The following DPP6 variants were observed in gnomAD, a reference collection of about 807,000 sequenced individuals.
DPP6 encodes dipeptidyl peptidase like 6, also known as A-type potassium channel modulatory protein DPP6.
In DPP6, 69 loss-of-function variants were observed where a neutral mutation model predicts 122.6. The observed-to-expected ratio is 0.56, with a 90% CI of 0.46 to 0.69. The LOEUF (loss-of-function observed/expected upper bound fraction) is 0.69, where lower values mean the gene tolerates loss of function less well. DPP6 is among the 30% of genes least tolerant of loss of function. The probability of loss-of-function intolerance (pLI) is 0.00; values close to 1 mark genes in which losing one functional copy is unlikely to be tolerated. For synonymous variants in DPP6, 418 were observed against 433.1 expected (o/e 0.97, Z 0.43); for missense variants, 928 against 1,116.9 (o/e 0.83, Z 2.41).
intron 7 of DPP6, among the ~76,000 whole-genome samples, chr7:154,723,471 A>ATT (rs1257421460): frequency 5.3e-5 from 8 of 151,210 alleles, no homozygotes; most frequent in East Asian, 3.9e-4. Context: ...TTATTTTTAA[A>ATT]AAAAAAAAAA....
At chr7:154,164,996 T>A (rs1391678210) in intron 1 of DPP6, among the ~76,000 whole-genome samples, 1 of 149,062 alleles carries the variant, frequency 6.7e-6, no homozygotes, top group East Asian at 1.9e-4. Context: ...TTTTGTACTT[T>A]TTTTTAAAGT....
intron 1 of DPP6, among the ~76,000 whole-genome samples, chr7:154,117,633 T>TA (rs1807088029): frequency 6.6e-6 from 1 of 152,206 alleles, no homozygotes; most frequent in East Asian, 1.9e-4. Context: ...CAATGAAACA[T>TA]AATGTTTTTG....
At chr7:154,476,047 C>A (rs1444715617) in intron 3 of DPP6, 4 of 152,182 alleles carry the variant, frequency 2.6e-5, no homozygotes, top group Admixed American at 6.5e-5. Flanking sequence ...TGTCAAACTG[C>A]TTCTAAAATG....
rs374846983 is a variant in DPP6, at chr7:154,061,469, C to G, written c.243+8406C>G. On this transcript the variant is annotated intron_variant, in intron 1 of 25. Coordinates refer to ENST00000377770, the MANE Select transcript of DPP6 (RefSeq NM_130797.4). ...ACAGGGTTGCTAAAGGATGGCCCCC[C>G]TATTAGAGGGCCTTGGCAGCAACTG... Among the ~76,000 whole-genome samples, 35 of 146,786 alleles carry G rather than the reference C, an allele frequency of 2.4e-4. No individual in the cohort carries two copies. In the East Asian group the frequency reaches 5.3e-3, roughly 22 times the overall value.
chr7:154,164,866 C>G (rs1008627637), intron 1 of DPP6, among the ~76,000 whole-genome samples: 2 of 152,182 alleles, frequency 1.3e-5, no homozygotes, highest in Non-Finnish European at 2.9e-5. Flanking sequence ...CCATCAGTTG[C>G]TGGACACTTC....
chr7:154,451,671 G>T (rs1378944593), intron 2 of DPP6, among the ~76,000 whole-genome samples: 3 of 152,220 alleles, frequency 2.0e-5, no homozygotes, highest in Non-Finnish European at 4.4e-5. Context: ...CTCCCTCCAT[G>T]CTGACGGCCA....
intron 7 of DPP6, among the ~76,000 whole-genome samples, chr7:154,698,941 A>C (rs1448350768): frequency 1.3e-5 from 2 of 152,068 alleles, no homozygotes; most frequent in Non-Finnish European, 2.9e-5. Flanking sequence ...GGACTCCAAA[A>C]CCTGGAAGAT....
intron 1 of DPP6, among the ~76,000 whole-genome samples, chr7:154,435,204 G>A (rs1818756612): frequency 6.6e-6 from 1 of 152,018 alleles, no homozygotes; most frequent in Non-Finnish European, 1.5e-5. Context: ...GTGGCAGAGG[G>A]ACATTGAAAG....
intron 3 of DPP6, among the ~76,000 whole-genome samples, chr7:154,511,564 A>G (rs1226789774): frequency 2.0e-5 from 3 of 152,254 alleles, no homozygotes; most frequent in Non-Finnish European, 4.4e-5. Flanking sequence ...GAAATTTGCA[A>G]GCAAATGAGA....
intron 16 of DPP6, among the ~76,000 whole-genome samples, chr7:154,839,713 A>G (rs1358214591): frequency 6.6e-6 from 1 of 152,210 alleles, no homozygotes; most frequent in Non-Finnish European, 1.5e-5. Flanking sequence ...GTTTAGCAGG[A>G]AGACTGGGAG....
At chr7:153,877,977 A>G in the DPP6 span, among the ~76,000 whole-genome samples, 1 of 152,228 alleles carries the variant, frequency 6.6e-6, no homozygotes, top group African/African-American at 2.4e-5. Flanking sequence ...CACGTCACAA[A>G]AGAAAATATC....
intron 1 of DPP6, among the ~76,000 whole-genome samples, chr7:154,233,765 A>G (rs996033150): frequency 1.3e-5 from 2 of 152,228 alleles, no homozygotes; most frequent in Non-Finnish European, 2.9e-5. Flanking sequence ...GAACCATGAG[A>G]TGATAACTTT....
chr7:154,079,892 C>T (rs2533679), intron 1 of DPP6, among the ~76,000 whole-genome samples: 33,338 of 150,386 alleles, frequency 0.22, 3,810 homozygotes, highest in East Asian at 0.42. Flanking sequence ...GTTGCAAACA[C>T]AAGACCTGGA....
chr7:154,208,029 T>G (rs1177082104), intron 1 of DPP6, among the ~76,000 whole-genome samples: 2 of 152,220 alleles, frequency 1.3e-5, no homozygotes, highest in African/African-American at 4.8e-5. Context: ...TACATATCAC[T>G]TGTTTTTTAT....
intron 1 of DPP6, among the ~76,000 whole-genome samples, chr7:153,986,947 G>GA (rs1040979405): frequency 1.5e-4 from 23 of 151,194 alleles, no homozygotes; most frequent in African/African-American, 4.9e-4. Context: ...GAGATAAAAG[G>GA]AAAAAAAAGA....
At chr7:154,758,835 T>G (rs976770954) in intron 8 of DPP6, among the ~76,000 whole-genome samples, 1 of 152,220 alleles carries the variant, frequency 6.6e-6, no homozygotes, top group Non-Finnish European at 1.5e-5. Flanking sequence ...ACCCCTCATT[T>G]TACAGTAGAA....
At position 153,945,606 on chromosome 7, in the gene DPP6, A is replaced by G. The variant is rs1801914636; in HGVS notation, c.51+57872A>G. ...CGGTGGAGGCGCTTGGAGGCACAGA[A>G]GGGTGCTCTTCCTACTTTTTTCTTA... On this transcript the variant is annotated intron_variant, in intron 1 of 25. Transcript: ENST00000404039. Among the ~76,000 whole-genome samples the G allele has an allele frequency of 1.3e-5, 2 of 152,220 alleles. 1 individual carries two copies. Among genetic ancestry groups the G allele is most frequent in the South Asian group, 4.1e-4 (2 of 4,832 alleles).
intron 1 of DPP6, among the ~76,000 whole-genome samples, chr7:154,101,705 A>T (rs559487750): frequency 6.6e-6 from 1 of 151,776 alleles, no homozygotes; most frequent in Admixed American, 6.6e-5. Flanking sequence ...AGGCGGGCGG[A>T]TCACCTGAGG....
At chr7:153,861,368 C>T in the DPP6 span, among the ~76,000 whole-genome samples, 1 of 152,154 alleles carries the variant, frequency 6.6e-6, no homozygotes, top group Non-Finnish European at 1.5e-5. Context: ...TGGCCAATGA[C>T]TTAATATAAA....
Sources: gnomAD v4.1 joint callset for allele counts (sites outside exome capture counted in the v4.1 genomes callset) on GRCh38, gnomAD v4.1.1 for gene constraint, MANE v1.5 for transcripts, NCBI Gene and HGNC (gene_info 2026-07-23, HGNC 2026-07-21) for gene names.